Variants in ADAMTS17 observed in about 807,000 individuals in gnomAD.
ADAMTS17 encodes the protein ADAM metallopeptidase with thrombospondin type 1 motif 17, also known as A disintegrin and metalloproteinase with thrombospondin motifs 17.
In ADAMTS17, 113 loss-of-function variants were observed where a neutral mutation model predicts 141.5. The observed-to-expected ratio is 0.80, with a 90% CI of 0.69 to 0.93. ADAMTS17 has a LOEUF of 0.93. Among genes scored for constraint, ADAMTS17 ranks in the 40% least tolerant of loss-of-function variants. ADAMTS17 has a pLI of 0.00. For missense variants in ADAMTS17, 1,659 were observed against 1,517.9 expected, an observed-to-expected ratio of 1.09 and a Z score of -1.54; for synonymous variants, 768 against 630.6, an observed-to-expected ratio of 1.22 and a Z score of -3.27.
In ADAMTS17 at chr15:100,050,971, A is replaced by G. The variant is rs570007135; in HGVS notation, c.2455+601T>C. ...TGGTCATATTGATTCTTGCTGTACG[A>G]CAGGCTCTTTGGCTCACCCTGTGGA... On this transcript the variant is annotated intron_variant, in intron 17 of 21. Transcript: ENST00000268070. Among the ~76,000 whole-genome samples, 9 of 152,340 alleles carry G rather than the reference A, an allele frequency of 5.9e-5. No homozygotes were observed. The South Asian group carries it at 1.9e-3, about 32-fold the overall frequency.
At chr15:100,077,323 A>G (rs1428014704) in intron 15 of ADAMTS17, among the ~76,000 whole-genome samples, 2 of 143,066 alleles carry the variant, frequency 1.4e-5, no homozygotes, top group Non-Finnish European at 3.0e-5. Flanking sequence ...TTAGCCTGGC[A>G]TGGTGGTGCG....
At chr15:100,224,484 AGTC>A (rs1567384963) in intron 7 of ADAMTS17, among the ~76,000 whole-genome samples, 1 of 152,204 alleles carries the variant, frequency 6.6e-6, no homozygotes, top group Non-Finnish European at 1.5e-5. Context: ...TAAATTACTC[AGTC>A]ATCACAAGAT....
chr15:100,321,710 C>T lies in ADAMTS17; in HGVS notation c.616+9179G>A, dbSNP rs539914708. On this transcript the variant is annotated intron_variant, in intron 3 of 21. Transcript: ENST00000268070. ...GCCTCACAACTTACAAAGCAGAGATCAATAGAATTAAAAGGTAAAACTGGC... is the reference window on the plus strand; with the variant it reads ...GCCTCACAACTTACAAAGCAGAGATTAATAGAATTAAAAGGTAAAACTGGC... 9.2e-5 allele frequency among the ~76,000 whole-genome samples: 14 copies of T among 152,170 alleles called. No individual in the cohort carries two copies. The South Asian group carries it at 2.5e-3, about 27-fold the overall frequency.
intron 20 of ADAMTS17, among the ~76,000 whole-genome samples, chr15:99,977,920 C>T (rs2060399565): frequency 1.3e-5 from 2 of 152,192 alleles, no homozygotes; most frequent in African/African-American, 4.8e-5. Flanking sequence ...CCCACACAAC[C>T]CCTGATTTAC....
chr15:100,030,184 C>T (rs1251238304), intron 18 of ADAMTS17, among the ~76,000 whole-genome samples: 8 of 152,160 alleles, frequency 5.3e-5, no homozygotes, highest in East Asian at 1.9e-4. Flanking sequence ...CTCCCCCTGG[C>T]CAGGGAACAT....
intron 8 of ADAMTS17, among the ~76,000 whole-genome samples, chr15:100,166,741 T>C (rs1459001080): frequency 6.6e-6 from 1 of 152,194 alleles, no homozygotes; most frequent in Non-Finnish European, 1.5e-5. Flanking sequence ...ATTCAAAGGT[T>C]TCCAATCTAG....
intron 1 of ADAMTS17, among the ~76,000 whole-genome samples, 172 bp downstream of exon 1, chr15:100,341,649 G>C (rs2046370307): frequency 6.7e-6 from 1 of 149,530 alleles, no homozygotes; most frequent in African/African-American, 2.5e-5. Context: ...GCGGCGGCGC[G>C]CCTGCCACGG....
intron 3 of ADAMTS17, among the ~76,000 whole-genome samples, chr15:100,295,277 C>T (rs1381894902): frequency 1.3e-5 from 2 of 152,166 alleles, no homozygotes; most frequent in Non-Finnish European, 2.9e-5. Context: ...CTTCTGCACG[C>T]TGCTCTATAA....
chr15:100,064,686 A>G (rs1265740020), intron 15 of ADAMTS17, among the ~76,000 whole-genome samples: 1 of 152,154 alleles, frequency 6.6e-6, no homozygotes, highest in African/African-American at 2.4e-5. Context: ...TAAGCAGAGT[A>G]GGGGGCCAGG....
intron 10 of ADAMTS17, among the ~76,000 whole-genome samples, chr15:100,140,871 C>A (rs75405700): frequency 1.3e-5 from 2 of 152,130 alleles, no homozygotes; most frequent in Non-Finnish European, 2.9e-5. Flanking sequence ...CCGTTCCCTC[C>A]GCCTGCAGAG....
chr15:99,987,413 G>A (rs374048348), intron 20 of ADAMTS17, among the ~76,000 whole-genome samples: 107 of 152,272 alleles, frequency 7.0e-4, no homozygotes, highest in African/African-American at 2.4e-3. Context: ...AGTGATACAC[G>A]GATAGTGTTC....
chr15:100,198,457 A>C (rs1159639023), intron 8 of ADAMTS17, among the ~76,000 whole-genome samples: 3 of 152,160 alleles, frequency 2.0e-5, no homozygotes, highest in African/African-American at 7.2e-5. Context: ...AAACCTTTAC[A>C]ATAATTTTTC....
intron 8 of ADAMTS17, among the ~76,000 whole-genome samples, chr15:100,162,956 ATAAC>A (rs1298553219): frequency 7.0e-6 from 1 of 143,562 alleles, no homozygotes; most frequent in Non-Finnish European, 1.5e-5. Flanking sequence ...GTGTATATAT[ATAAC>A]TATATATGTA....
In ADAMTS17 at chr15:100,174,362, CA is replaced by C. The variant is rs2040263347; in HGVS notation, c.1182-19043del. 3.3e-5 allele frequency among the ~76,000 whole-genome samples: 5 copies of C among 151,682 alleles called. No homozygotes were observed. The South Asian group carries it at 1.0e-3, about 31-fold the overall frequency. ...CCCTGACAGGGAATATTCTAAGGAA[CA>C]AAGTTCAGGAACTGTAATCACACTG... On this transcript the variant is annotated intron_variant, in intron 8 of 21. Transcript: ENST00000268070.
At chr15:100,072,836 C>T (rs4411486) in intron 15 of ADAMTS17, among the ~76,000 whole-genome samples, 80,312 of 152,022 alleles carry the variant, frequency 0.53, 24,405 homozygotes, top group Non-Finnish European at 0.69. Context: ...CCATTCAGGA[C>T]ATAAGCATGG....
At chr15:100,228,827 C>A (rs1222907267) in intron 7 of ADAMTS17, among the ~76,000 whole-genome samples, 5 of 152,220 alleles carry the variant, frequency 3.3e-5, no homozygotes, top group Admixed American at 3.3e-4. Flanking sequence ...AGCCCCCCAA[C>A]CCCAGCTCTC....
intron 15 of ADAMTS17, among the ~76,000 whole-genome samples, chr15:100,059,461 T>C (rs887009609): frequency 1.3e-5 from 2 of 152,186 alleles, no homozygotes; most frequent in Non-Finnish European, 2.9e-5. Flanking sequence ...GCATAGGGGT[T>C]ACTTCCAACC....
intron 7 of ADAMTS17, among the ~76,000 whole-genome samples, chr15:100,226,118 A>T (rs758291099): frequency 1.3e-4 from 19 of 146,354 alleles, no homozygotes; most frequent in Admixed American, 1.4e-4. Flanking sequence ...TGTGCCATTC[A>T]GTCCTTACAG....
At chr15:100,340,830 C>T (rs376385753) in intron 2 of ADAMTS17, among the ~76,000 whole-genome samples, 1 of 152,180 alleles carries the variant, frequency 6.6e-6, no homozygotes, top group Non-Finnish European at 1.5e-5. Context: ...AGGCGCTGGA[C>T]TGGGATGCTG....
Sources: gnomAD v4.1 joint callset for allele counts (sites outside exome capture counted in the v4.1 genomes callset) on GRCh38, gnomAD v4.1.1 for gene constraint, MANE v1.5 for transcripts, NCBI Gene and HGNC (gene_info 2026-07-23, HGNC 2026-07-21) for gene names.